The following AQP9 variants were observed in gnomAD, a reference collection of about 807,000 sequenced individuals.
AQP9 encodes aquaporin 9.
AQP9 carries 19 observed loss-of-function variants against 23.8 expected under a neutral mutation model. The ratio of observed to expected loss-of-function variants is 0.80; its 90% CI spans 0.56 to 1.17. The LOEUF (loss-of-function observed/expected upper bound fraction) is 1.17, where lower values mean the gene tolerates loss of function less well. Ranked by LOEUF, AQP9 falls within the 50% of genes most tolerant of loss-of-function variation. The pLI is 0.00. For missense variants in AQP9, 413 were observed against 362.0 expected, an observed-to-expected ratio of 1.14 and a Z score of -1.14; for synonymous variants, 153 against 131.5, an observed-to-expected ratio of 1.16 and a Z score of -1.12.
At chr15:58,169,502 G>T (rs954133798) in intron 2 of AQP9, among the ~76,000 whole-genome samples, 3 of 152,172 alleles carry the variant, frequency 2.0e-5, no homozygotes, top group African/African-American at 7.2e-5. Context: ...GGGGAAGATT[G>T]TGTGTGGGAG....
chr15:58,147,419 G>A (rs1209434846), intron 1 of AQP9, among the ~76,000 whole-genome samples: 1 of 152,122 alleles, frequency 6.6e-6, no homozygotes, highest in Non-Finnish European at 1.5e-5. Flanking sequence ...AAGAAATTAG[G>A]TGCCCATTAT....
Position 58,141,359 on chromosome 15 carries a change from G to A in AQP9, c.111+2683G>A, listed in dbSNP as rs563683280. Among the ~76,000 whole-genome samples, 4 of 152,290 alleles carry A rather than the reference G, an allele frequency of 2.6e-5. No homozygotes were observed. In the South Asian group the frequency reaches 8.3e-4, roughly 32 times the overall value. ...TGAGGTGGAAGGACAGCTTTCCAGG[G>A]CTGGACTTTTGAGTAGATAACATAC... On this transcript the variant is annotated intron_variant, in intron 1 of 5. Transcript: ENST00000219919.
intron 5 of AQP9, among the ~76,000 whole-genome samples, chr15:58,181,630 G>T (rs2140636475): frequency 6.6e-6 from 1 of 152,324 alleles, no homozygotes; most frequent in African/African-American, 2.4e-5. Flanking sequence ...GCCGTTGTCA[G>T]ATCATAGAGG....
At chr15:58,151,669 A>T (rs1283200497) in intron 1 of AQP9, 1 of 152,128 alleles carries the variant, frequency 6.6e-6, no homozygotes, top group Non-Finnish European at 1.5e-5. Flanking sequence ...ACATAATAAT[A>T]ATAATAATAT....
chr15:58,156,791 T>C (rs771427845), intron 1 of AQP9, among the ~76,000 whole-genome samples: 7 of 152,160 alleles, frequency 4.6e-5, no homozygotes, highest in Non-Finnish European at 7.3e-5. Context: ...AACAAATCTC[T>C]AGGTTGGCCA....
chr15:58,177,397 G>C (rs1210493463), intron 4 of AQP9, among the ~76,000 whole-genome samples: 1 of 152,220 alleles, frequency 6.6e-6, no homozygotes, highest in Non-Finnish European at 1.5e-5. Flanking sequence ...AGTAAAGTCA[G>C]AATGTCATGG....
chr15:58,150,493 C>T (rs1024661634), intron 1 of AQP9: 1 of 152,584 alleles, frequency 6.6e-6, no homozygotes, highest in Non-Finnish European at 1.5e-5. Context: ...GCTTTGAAGC[C>T]GCTGCCTGAT....
chr15:58,161,767 A>T (rs1898388062), intron 1 of AQP9, among the ~76,000 whole-genome samples: 1 of 152,212 alleles, frequency 6.6e-6, no homozygotes, highest in African/African-American at 2.4e-5. Context: ...TTGTTTAAAT[A>T]TTGCCTTCAT....
intron 3 of AQP9, among the ~76,000 whole-genome samples, chr15:58,174,252 C>T (rs886304969): frequency 8.6e-5 from 13 of 151,584 alleles, no homozygotes; most frequent in Admixed American, 8.5e-4. Context: ...CATTGCACTC[C>T]AGCCTGGGCA....
chr15:58,158,938 G>A (rs1359639866), intron 1 of AQP9, among the ~76,000 whole-genome samples: 4 of 152,150 alleles, frequency 2.6e-5, no homozygotes, highest in Non-Finnish European at 4.4e-5. Flanking sequence ...AAAGGGCTCA[G>A]TTCTTACATA....
rs184185499 is a variant in AQP9, at chr15:58,180,303, C to T, written c.713+958C>T. On this transcript the variant is annotated intron_variant, in intron 5 of 5. Coordinates refer to ENST00000219919, the MANE Select transcript of AQP9 (RefSeq NM_020980.5). ...TAATGTTTCCTGTGAGAACAAAGGACGTGAGTGTTCCCAAATGATGACCTA... is the reference window on the plus strand; with the variant it reads ...TAATGTTTCCTGTGAGAACAAAGGATGTGAGTGTTCCCAAATGATGACCTA... 5.9e-5 allele frequency among the ~76,000 whole-genome samples: 9 copies of T among 152,222 alleles called. No homozygotes were observed. In the East Asian group the frequency reaches 1.5e-3, roughly 26 times the overall value.
intron 3 of AQP9, 143 bp downstream of exon 3, chr15:58,173,348 G>T: frequency 8.2e-7 from 1 of 1,226,372 alleles, no homozygotes; most frequent in Non-Finnish European, 1.1e-6. Context: ...GAGAAAATGA[G>T]GCCATATTAC....
At chr15:58,152,976 C>A (rs1010497655) in intron 1 of AQP9, 1 of 152,028 alleles carries the variant, frequency 6.6e-6, no homozygotes, top group Non-Finnish European at 1.5e-5. Flanking sequence ...ATTTTCCTCA[C>A]GATAATATTA....
chr15:58,168,893 A>C (rs1319333650), intron 2 of AQP9, among the ~76,000 whole-genome samples: 3 of 152,128 alleles, frequency 2.0e-5, no homozygotes, highest in African/African-American at 7.2e-5. Flanking sequence ...TTTTAGGTAG[A>C]GACATGGTTT....
chr15:58,163,672 G>T (rs556260079), intron 1 of AQP9, among the ~76,000 whole-genome samples: 1 of 152,080 alleles, frequency 6.6e-6, no homozygotes, highest in Non-Finnish European at 1.5e-5. Flanking sequence ...ATATGATAAC[G>T]GGCTGTTTTT....
At chr15:58,170,427 A>G (rs1207480951) in intron 2 of AQP9, among the ~76,000 whole-genome samples, 13 of 150,144 alleles carry the variant, frequency 8.7e-5, no homozygotes, top group Admixed American at 4.6e-4. Flanking sequence ...TTTTTTTTTA[A>G]TGGAGTCTTG....
chr15:58,172,936 C>T, intron 2 of AQP9, 132 bp from the exon 3 acceptor site: 1 of 1,137,762 alleles, frequency 8.8e-7, no homozygotes. Context: ...CACGTGCATA[C>T]ACACCCCTCT....
At chr15:58,145,070 A>G (rs1399965316) in intron 1 of AQP9, among the ~76,000 whole-genome samples, 1 of 151,876 alleles carries the variant, frequency 6.6e-6, no homozygotes, top group South Asian at 2.1e-4. Context: ...CTGAGGTGAC[A>G]TCCTCTTTTC....
intron 5 of AQP9, among the ~76,000 whole-genome samples, 189 bp from the exon 6 acceptor site, chr15:58,183,772 G>A (rs1253249689): frequency 6.6e-6 from 1 of 152,158 alleles, no homozygotes; most frequent in Non-Finnish European, 1.5e-5. Context: ...TAGATCATCT[G>A]AAATCAGGTG....
Sources: gnomAD v4.1 joint callset for allele counts (sites outside exome capture counted in the v4.1 genomes callset) on GRCh38, gnomAD v4.1.1 for gene constraint, MANE v1.5 for transcripts, NCBI Gene and HGNC (gene_info 2026-07-23, HGNC 2026-07-21) for gene names.